PCDHGB5: variants seen among roughly 807,000 people sequenced by gnomAD.
The protein encoded by PCDHGB5 is protocadherin gamma subfamily B, 5, also known as protocadherin gamma-B5.
PCDHGB5 carries 48 observed loss-of-function variants against 62.9 expected under a neutral mutation model. The ratio of observed to expected loss-of-function variants is 0.76; its 90% CI spans 0.61 to 0.97. The LOEUF (loss-of-function observed/expected upper bound fraction) is 0.97. Ranked by LOEUF, PCDHGB5 falls within the 50% of genes least tolerant of loss-of-function variation. The pLI, the probability that PCDHGB5 is intolerant of heterozygous loss-of-function variation, is 0.00. For synonymous variants in PCDHGB5, 474 were observed against 511.2 expected, an observed-to-expected ratio of 0.93 and a Z score of 0.98; for missense variants, 1,118 against 1,198.6, an observed-to-expected ratio of 0.93 and a Z score of 0.99.
rs2099695710 is a variant in PCDHGB5, at chr5:141,490,068, A to G, written c.2398-4739A>G. On this transcript the variant is annotated intron_variant, in intron 1 of 3. Coordinates refer to ENST00000617380, the MANE Select transcript of PCDHGB5 (RefSeq NM_018925.3). This position sits in a 1 kb window ranked among gnomAD's most constrained non-coding sequence, Gnocchi z 5.4. ...ATCCAGACGAGGGCACCAACGGCCA[A>G]CTAGACTATTCTTTTGGAGACCACA... is the stretch of plus-strand genomic sequence containing the variant. 2 of 1,614,152 alleles carry G rather than the reference A, an allele frequency of 1.2e-6. No homozygotes were observed. The highest frequency in any genetic ancestry group is 1.6e-4 in the Middle Eastern group (1 of 6,084).
In PCDHGB5 at chr5:141,432,220, C is replaced by A. The variant is rs949257429; in HGVS notation, c.2397+31696C>A. ...CCGACTGTGAAGAGAACGCCCAGAT[C>A]ACTTATTCCCTGGCTGAGAACACCA... On this transcript the variant is annotated intron_variant, in intron 1 of 3. Coordinates refer to ENST00000617380, the MANE Select transcript of PCDHGB5 (RefSeq NM_018925.3). This position sits in a 1 kb window ranked among gnomAD's most constrained non-coding sequence, Gnocchi z 6.0. The A allele has an allele frequency of 2.5e-6, 4 of 1,614,246 alleles. No homozygotes were observed. The highest frequency in any genetic ancestry group is 1.6e-4 in the Middle Eastern group (1 of 6,062).
intron 1 of PCDHGB5, among the ~76,000 whole-genome samples, chr5:141,483,557 G>A (rs141633312): frequency 4.5e-4 from 69 of 152,276 alleles, no homozygotes; most frequent in Admixed American, 1.9e-3. Context: ...GCCATTCACA[G>A]AGACAGTGAA....
chr5:141,403,849 G>A, intron 1 of PCDHGB5: 1 of 1,613,560 alleles, frequency 6.2e-7, no homozygotes, highest in East Asian at 2.2e-5. Flanking sequence ...AAAATACTGG[G>A]GAAATATCAA....
At chr5:141,421,583 G>A (rs765321947) in intron 1 of PCDHGB5, 1 of 1,613,796 alleles carries the variant, frequency 6.2e-7, no homozygotes, top group African/African-American at 1.3e-5. Context: ...AAGATTTACG[G>A]AGTGGAGGTG....
At position 141,476,565 on chromosome 5, in the gene PCDHGB5, C is replaced by A; in HGVS notation, c.2398-18242C>A. 1 of 1,614,184 alleles carries A rather than the reference C, an allele frequency of 6.2e-7. No homozygotes were observed. ...TTGGAGATTAGCGAGGCCGTGGCTC[C>A]GGGGACGCGCTTTCCGCTCGAGAGC... On this transcript the variant is annotated intron_variant, in intron 1 of 3. Coordinates refer to ENST00000617380, the MANE Select transcript of PCDHGB5 (RefSeq NM_018925.3). The surrounding 1 kb of genome is among the most constrained non-coding windows in gnomAD (Gnocchi z 7.6).
At chr5:141,418,693 T>C (rs989725231) in intron 1 of PCDHGB5, 1 of 1,613,922 alleles carries the variant, frequency 6.2e-7, no homozygotes, top group South Asian at 1.1e-5. Context: ...CAGAGATCAC[T>C]TATTCCTTCT....
At chr5:141,496,236 C>T (rs1290509264) in intron 2 of PCDHGB5, among the ~76,000 whole-genome samples, 7 of 152,138 alleles carry the variant, frequency 4.6e-5, no homozygotes, top group Middle Eastern at 3.2e-3. Flanking sequence ...GAACCCCCTG[C>T]GGGCTGAAGG....
intron 1 of PCDHGB5, among the ~76,000 whole-genome samples, chr5:141,481,049 C>A (rs1165894624): frequency 1.3e-5 from 2 of 152,096 alleles, no homozygotes; most frequent in Non-Finnish European, 2.9e-5. Context: ...CAGAGCGAGA[C>A]TCCACCTCAA....
At chr5:141,497,468 G>A (rs912445126) in intron 2 of PCDHGB5, among the ~76,000 whole-genome samples, 10 of 151,996 alleles carry the variant, frequency 6.6e-5, no homozygotes, top group African/African-American at 2.4e-4. Flanking sequence ...GAGATATGGA[G>A]GAGAAGGTGC....
intron 1 of PCDHGB5, chr5:141,422,940 C>T (rs769630623): frequency 2.0e-5 from 32 of 1,614,124 alleles, no homozygotes; most frequent in Admixed American, 5.0e-5. Flanking sequence ...TCCCCACAGA[C>T]GGCTCCACTG....
At chr5:141,427,239 G>C (rs1160872088) in intron 1 of PCDHGB5, 1 of 456,746 alleles carries the variant, frequency 2.2e-6, no homozygotes, top group East Asian at 6.9e-5. Flanking sequence ...GAGAGTAGAA[G>C]CTAAGGATGG....
rs752011641 is a variant in PCDHGB5 at position 141,490,299 on chromosome 5, C to T, written c.2398-4508C>T. 1.2e-6 allele frequency: 2 copies of T among 1,614,068 alleles called. No homozygotes were observed. Among genetic ancestry groups the T allele is most frequent in the East Asian group, 2.2e-5 (1 of 44,896 alleles). Reference sequence around the variant, plus strand: ...ACAATGCCCCAGAGGTGCTATTGGCCTCTTTGGCCAACCCTGTCCTAGAGA... The same window carrying T: ...ACAATGCCCCAGAGGTGCTATTGGCTTCTTTGGCCAACCCTGTCCTAGAGA... On this transcript the variant is annotated intron_variant, in intron 1 of 3. Coordinates refer to ENST00000617380, the MANE Select transcript of PCDHGB5 (RefSeq NM_018925.3). The surrounding 1 kb of genome is among the most constrained non-coding windows in gnomAD (Gnocchi z 5.4).
At chr5:141,475,071 C>T (rs1198043142) in intron 1 of PCDHGB5, among the ~76,000 whole-genome samples, 2 of 152,198 alleles carry the variant, frequency 1.3e-5, no homozygotes, top group Non-Finnish European at 2.9e-5. Context: ...AGCTTTGCTG[C>T]CATTATTTCA....
In PCDHGB5 at chr5:141,491,996, G is replaced by T; in HGVS notation, c.2398-2811G>T. ...TCCTTCGAGCTTCCGGTGAATTTCG[G>T]GCGATTTCCGCGGGTGTCGGGGGTC... is the stretch of plus-strand genomic sequence containing the variant. On this transcript the variant is annotated intron_variant, in intron 1 of 3. Coordinates refer to ENST00000617380, the MANE Select transcript of PCDHGB5 (RefSeq NM_018925.3). This position sits in a 1 kb window ranked among gnomAD's most constrained non-coding sequence, Gnocchi z 6.9. The T allele has an allele frequency of 2.9e-6, 2 of 686,328 alleles. No individual in the cohort carries two copies. Among genetic ancestry groups the T allele is most frequent in the Non-Finnish European group, 4.5e-6 (2 of 441,080 alleles). 42.5% of individuals were successfully genotyped at this position (686,328 alleles called of 1,614,324 possible). A position where few individuals can be genotyped will look rare whatever the true frequency, so the allele number is the denominator to read the frequency against.
intron 1 of PCDHGB5, among the ~76,000 whole-genome samples, chr5:141,467,823 T>A (rs1225960296): frequency 1.3e-5 from 2 of 152,012 alleles, no homozygotes; most frequent in African/African-American, 2.4e-5. Flanking sequence ...CACACCAGGC[T>A]GATTTTTATA....
At chr5:141,434,533 C>T (rs6862159) in intron 1 of PCDHGB5, among the ~76,000 whole-genome samples, 18,539 of 152,264 alleles carry the variant, frequency 0.12, 1,259 homozygotes, top group Non-Finnish European at 0.16. Flanking sequence ...AAACCACAAA[C>T]AATAGCATGA....
chr5:141,510,420 G>T (rs1275392355), intron 3 of PCDHGB5, among the ~76,000 whole-genome samples: 3 of 152,126 alleles, frequency 2.0e-5, no homozygotes, highest in African/African-American at 7.2e-5. Flanking sequence ...TAAAGCCATG[G>T]TTTCATGGCT....
intron 3 of PCDHGB5, among the ~76,000 whole-genome samples, chr5:141,508,930 T>A (rs2099873149): frequency 6.6e-6 from 1 of 151,836 alleles, no homozygotes; most frequent in African/African-American, 2.4e-5. Context: ...CTTTTGGAGT[T>A]AATTAGGGAA....
chr5:141,425,486 C>T (rs2096878743), intron 1 of PCDHGB5, among the ~76,000 whole-genome samples: 1 of 152,236 alleles, frequency 6.6e-6, no homozygotes, highest in African/African-American at 2.4e-5. Context: ...TGGCAACCTA[C>T]TAGGCTATAC....
Sources: gnomAD v4.1 joint callset for allele counts (sites outside exome capture counted in the v4.1 genomes callset) on GRCh38, gnomAD v4.1.1 for gene constraint, Gnocchi (gnomAD v3.1) non-coding constraint, MANE v1.5 for transcripts, NCBI Gene and HGNC (gene_info 2026-07-23, HGNC 2026-07-21) for gene names.